The following KRT10 variants were observed in gnomAD, a reference collection of about 807,000 sequenced individuals.
KRT10 encodes the protein keratin, type I cytoskeletal 10.
In KRT10, 40 loss-of-function variants were observed where a neutral mutation model predicts 59.2. That is an observed-to-expected ratio of 0.68 (90% CI 0.52 to 0.88). The LOEUF is 0.88. Among genes scored for constraint, KRT10 ranks in the 40% least tolerant of loss-of-function variants. KRT10 has a pLI of 0.00. For synonymous variants in KRT10, 336 were observed against 310.7 expected (o/e 1.08, Z -0.86); for missense variants, 719 against 749.1 (o/e 0.96, Z 0.47).
rs748918606 is a variant in KRT10, at chr17:40,820,510, C to T, written c.867+1G>A. On this transcript the variant is annotated splice_donor_variant, in intron 3 of 7. Transcript: ENST00000269576. LOFTEE classifies it high-confidence loss of function. ...TGGGAAAAGTATAACTTTTGTGTCA[C>T]CTCCTCGTGGTTCTTCTTCAGATAG... is the stretch of plus-strand genomic sequence containing the variant. 1.2e-6 allele frequency: 2 copies of T among 1,614,208 alleles called. No individual in the cohort carries two copies. Among genetic ancestry groups the T allele is most frequent in the Non-Finnish European group, 1.7e-6 (2 of 1,180,048 alleles).
Position 40,818,454 on chromosome 17 carries a change from T to C in KRT10, c.*22A>G. 1 of 1,613,290 alleles carries C rather than the reference T, an allele frequency of 6.2e-7. No individual in the cohort carries two copies. Among genetic ancestry groups the C allele is most frequent in the Non-Finnish European group, 8.5e-7 (1 of 1,179,274 alleles). ...CGTCGGGCGCCACCTCTTCAATAAT[T>C]GTCTTGATTACTCTGGTTTTGTTAG... On this transcript the variant is annotated 3_prime_UTR_variant, in exon 8 of 8. Transcript: ENST00000269576.
chr17:40,822,043 C>T lies in KRT10; in HGVS notation c.543G>A (p.Trp181Ter). The T allele has an allele frequency of 1.2e-6, 2 of 1,614,094 alleles. No homozygotes were observed. Among genetic ancestry groups the T allele is most frequent in the African/African-American group, 2.7e-5 (2 of 75,016 alleles). ...NYELEGKIKE[W>*]YEKHGNSHQG... ...GATGTGAGTTGCCATGCTTTTCATA[C>T]CACTCCTTGATTTTGCCTTCCAGCT... The change falls in exon 1 of 8, where the codon TGG (tryptophan) becomes TGA (stop). Residue 181 changes from tryptophan to a stop codon, truncating the protein, a stop_gained. Coordinates refer to ENST00000269576, the MANE Select transcript of KRT10 (RefSeq NM_000421.5). LOFTEE classifies it high-confidence loss of function.
At position 40,821,065 on chromosome 17, in the gene KRT10, G is replaced by C; in HGVS notation, c.680C>G (p.Ala227Gly). ...CCTGAAGTCATCAGCTGCCAGCCTGGCATTGTCGATCTGAAGCAGGATGTT... is the reference window on the plus strand; with the variant it reads ...CCTGAAGTCATCAGCTGCCAGCCTGCCATTGTCGATCTGAAGCAGGATGTT... ...NANILLQIDN[A>G]RLAADDFRLK... is the part of the protein sequence containing the mutation. Residue 227 changes from alanine (A) to glycine (G), a missense_variant, in exon 2 of 8, where the codon GCC (alanine) becomes GGC (glycine). Physicochemically the swap from Ala to Gly is moderately conservative, Grantham distance 60. Transcript: ENST00000269576. 6.2e-7 allele frequency: 1 copy of C among 1,613,786 alleles called. No individual in the cohort carries two copies. Among genetic ancestry groups the C allele is most frequent in the South Asian group, 1.1e-5 (1 of 91,064 alleles).
At chr17:40,820,221 T>A (rs1905289644) in intron 4 of KRT10, 41 bp downstream of exon 4, 1 of 1,614,084 alleles carries the variant, frequency 6.2e-7, no homozygotes, top group East Asian at 2.2e-5. Context: ...TCTGAAATGA[T>A]AAAACCTCCA....
In KRT10 at chr17:40,818,342, T is replaced by C. The variant is rs1379890252; in HGVS notation, c.*134A>G. 4.2e-6 allele frequency: 5 copies of C among 1,181,506 alleles called. No homozygotes were observed. The East Asian group carries it at 9.8e-5, about 23-fold the overall frequency. The allele number at this position is 1,181,506 out of a possible 1,614,324, so 73.2% of individuals were successfully genotyped here. On this transcript the variant is annotated 3_prime_UTR_variant, in exon 8 of 8. Coordinates refer to ENST00000269576, the MANE Select transcript of KRT10 (RefSeq NM_000421.5). ...TTCCATGCATCTGTAAATAATGGTCTGTGTGAAGGGAGACTCTTTCCTCTT... is the reference window on the plus strand; with the variant it reads ...TTCCATGCATCTGTAAATAATGGTCCGTGTGAAGGGAGACTCTTTCCTCTT...
intron 5 of KRT10, 103 bp downstream of exon 5, chr17:40,819,946 T>C: frequency 8.4e-6 from 12 of 1,430,626 alleles, no homozygotes; most frequent in Non-Finnish European, 1.2e-5. Context: ...TGTTTTCTCT[T>C]TCTTACCTCC....
At chr17:40,818,547 A>C in intron 7 of KRT10, 65 bp from the exon 8 acceptor site, 1 of 1,297,520 alleles carries the variant, frequency 7.7e-7, no homozygotes. Flanking sequence ...TAACAAGCAA[A>C]TATTGTAAAA....
rs1567706979 is a variant in KRT10 at position 40,819,031 on chromosome 17, C to CGCCTCCGTAGCCGCCGCCGGAACT, written c.1480_1503dup (p.Ser494_Gly501dup). 6 of 1,377,388 alleles carry CGCCTCCGTAGCCGCCGCCGGAACT rather than the reference C, an allele frequency of 4.4e-6. No homozygotes were observed. The highest frequency in any genetic ancestry group is 5.7e-6 in the Non-Finnish European group (6 of 1,056,348). The allele number at this position is 1,377,388 out of a possible 1,614,324, so 85.3% of individuals were successfully genotyped here. A position where few individuals can be genotyped will look rare whatever the true frequency, so the allele number is the denominator to read the frequency against. On this transcript the variant is annotated inframe_insertion, in exon 7 of 8. Transcript: ENST00000269576. The stretch of plus-strand genomic sequence containing the variant: ...CCGGAGCTTCCGCCGCCGGAGCTTC[C>CGCCTCCGTAGCCGCCGCCGGAACT]GCCTCCGTAGCCGCCGCCGGAACTG...
chr17:40,818,608 A>G (rs1597816389), intron 7 of KRT10, 126 bp from the exon 8 acceptor site: 1 of 1,273,860 alleles, frequency 7.9e-7, no homozygotes, highest in Non-Finnish European at 1.1e-6. Context: ...TGCTTAAGGT[A>G]TGACATTTTG....
chr17:40,820,015 T>C, intron 5 of KRT10, 34 bp downstream of exon 5: 1 of 1,610,606 alleles, frequency 6.2e-7, no homozygotes, highest in South Asian at 1.1e-5. Flanking sequence ...CTTTGTATGA[T>C]AAAGTTGAAG....
rs764382068 is a variant in KRT10, at chr17:40,819,640, T to C, written c.1250A>G (p.Gln417Arg). Residue 417 changes from glutamine (Q) to arginine (R), a missense_variant, in exon 6 of 8, where the codon CAG becomes CGG. Transcript: ENST00000269576. ...GGTTTCAGCTCGAATCTGTTGCAAC[T>C]GTTCTTCCAGAGCGGATATCTGGGC... ...IQAQISALEE[Q>R]LQQIRAETEC... 1 of 1,614,182 alleles carries C rather than the reference T, an allele frequency of 6.2e-7. No individual in the cohort carries two copies. Among genetic ancestry groups the C allele is most frequent in the Non-Finnish European group, 8.5e-7 (1 of 1,180,002 alleles).
intron 1 of KRT10, 128 bp downstream of exon 1, chr17:40,821,831 G>T (rs1905403383): frequency 1.0e-6 from 1 of 988,300 alleles, no homozygotes; most frequent in Non-Finnish European, 1.6e-6. Context: ...ATGAGACTGG[G>T]TTATTTTTGA....
At chr17:40,820,783 A>C in intron 2 of KRT10, 116 bp from the exon 3 acceptor site, 1 of 1,188,744 alleles carries the variant, frequency 8.4e-7, no homozygotes, top group Non-Finnish European at 1.2e-6. Flanking sequence ...AATATTTGTC[A>C]TGTACAGTTC....
chr17:40,821,649 T>C (rs1905390257), intron 1 of KRT10, among the ~76,000 whole-genome samples: 2 of 152,210 alleles, frequency 1.3e-5, no homozygotes, highest in South Asian at 4.1e-4. Context: ...ATCATGATTT[T>C]TTTTTTCAGT....
In KRT10 at chr17:40,818,186, C is replaced by A; in HGVS notation, c.*290G>T. The A allele has an allele frequency of 7.5e-6, 3 of 400,964 alleles. No homozygotes were observed. Among genetic ancestry groups the A allele is most frequent in the South Asian group, 4.9e-5 (1 of 20,524 alleles). The allele number at this position is 400,964 out of a possible 1,614,324, so 24.8% of individuals were successfully genotyped here. On this transcript the variant is annotated 3_prime_UTR_variant, in exon 8 of 8. Transcript: ENST00000269576. ...GAGAACAGAAAGTTGTTTTTCTTTC[C>A]ATTAAAGAACACTTTCTGGTAAAGT...
At chr17:40,819,972 T>G in intron 5 of KRT10, 77 bp downstream of exon 5, 1 of 1,542,884 alleles carries the variant, frequency 6.5e-7, no homozygotes, top group Non-Finnish European at 8.9e-7. Flanking sequence ...TGCATTTTTT[T>G]GTTGCATTGC....
In KRT10 at chr17:40,820,138, C is replaced by A; in HGVS notation, c.1066G>T (p.Glu356Ter). The A allele has an allele frequency of 6.2e-7, 1 of 1,613,768 alleles. No individual in the cohort carries two copies. Among genetic ancestry groups the A allele is most frequent in the South Asian group, 1.1e-5 (1 of 91,068 alleles). ...TCAGATTTATAGCTGGATATCTGTT[C>A]AATGTTATTATCAATTTCTGTAGTC... ...ELTTEIDNNI[E>*]QISSYKSEIT... Residue 356 changes from glutamate (E) to a stop codon, truncating the protein, a stop_gained, in exon 5 of 8, where the codon GAA becomes TAA. Transcript: ENST00000269576. LOFTEE classifies it high-confidence loss of function.
At chr17:40,821,160 G>T in intron 1 of KRT10, 43 bp from the exon 2 acceptor site, 1 of 1,423,652 alleles carries the variant, frequency 7.0e-7, no homozygotes, top group Non-Finnish European at 9.9e-7. Context: ...GTCAGATGCA[G>T]ATATGGCTTT....
intron 5 of KRT10, 83 bp downstream of exon 5, chr17:40,819,965 AT>A: frequency 1.3e-6 from 2 of 1,525,754 alleles, no homozygotes; most frequent in Non-Finnish European, 1.8e-6. Context: ...CCAACTCTGC[AT>A]TTTTTTGTTG....
Sources: gnomAD v4.1 joint callset for allele counts (sites outside exome capture counted in the v4.1 genomes callset) on GRCh38, gnomAD v4.1.1 for gene constraint, MANE v1.5 for transcripts, NCBI Gene and HGNC (gene_info 2026-07-23, HGNC 2026-07-21) for gene names.